Variants in MAK16 observed in about 807,000 individuals in gnomAD.
MAK16 encodes protein MAK16 homolog.
MAK16 carries 12 observed loss-of-function variants against 49.9 expected under a neutral mutation model. That is an observed-to-expected ratio of 0.24 (90% CI 0.15 to 0.39). The LOEUF is 0.39. MAK16 is among the 10% of genes least tolerant of loss of function. The pLI is 1.00. For missense variants in MAK16, 292 were observed against 363.7 expected (o/e 0.80, Z 1.60); for synonymous variants, 115 against 126.4 (o/e 0.91, Z 0.60).
intron 6 of MAK16, among the ~76,000 whole-genome samples, chr8:33,493,149 G>A (rs1808803870): frequency 6.6e-6 from 1 of 152,136 alleles, no homozygotes; most frequent in African/African-American, 2.4e-5. Context: ...ATTCCCCAAT[G>A]TTATTTATAA....
In MAK16 at chr8:33,498,810, C is replaced by T; in HGVS notation, c.*181C>T. ...AGAAATCTGGAGTGAGTGAAGAAAGCTAAGTTGTGAACAAGAGTGTTTTTA... is the reference window on the plus strand; with the variant it reads ...AGAAATCTGGAGTGAGTGAAGAAAGTTAAGTTGTGAACAAGAGTGTTTTTA... On this transcript the variant is annotated 3_prime_UTR_variant, in exon 10 of 10. Coordinates refer to ENST00000360128, the MANE Select transcript of MAK16 (RefSeq NM_032509.4). 2 of 633,586 alleles carry T rather than the reference C, an allele frequency of 3.2e-6. No homozygotes were observed. Among genetic ancestry groups the T allele is most frequent in the Non-Finnish European group, 5.4e-6 (2 of 367,630 alleles). 39.2% of individuals were successfully genotyped at this position (633,586 alleles called of 1,614,324 possible). A position where few individuals can be genotyped will look rare whatever the true frequency, so the allele number is the denominator to read the frequency against.
In MAK16 at chr8:33,500,803, A is replaced by G. The variant is rs193233340; in HGVS notation, c.*2174A>G. The G allele has an allele frequency of 5.3e-3, 1,588 of 297,894 alleles. 10 individuals carry two copies. Among genetic ancestry groups the G allele is most frequent in the Admixed American group, 7.0e-3 (148 of 21,146 alleles). 18.5% of individuals were successfully genotyped at this position (297,894 alleles called of 1,614,324 possible). A position where few individuals can be genotyped will look rare whatever the true frequency, so the allele number is the denominator to read the frequency against. On this transcript the variant is annotated 3_prime_UTR_variant, in exon 10 of 10. Coordinates refer to ENST00000360128, the MANE Select transcript of MAK16 (RefSeq NM_032509.4). ...AGAAGGGGAAACCAGGATCTCCCCA[A>G]CCAAGGGCCTATACTTTTATTTTTC...
intron 5 of MAK16, 129 bp from the exon 6 acceptor site, chr8:33,490,156 C>A: frequency 1.4e-6 from 1 of 692,582 alleles, no homozygotes; most frequent in Non-Finnish European, 2.4e-6. Flanking sequence ...GCCTGAAGCT[C>A]AGCCATCCTG....
intron 6 of MAK16, among the ~76,000 whole-genome samples, chr8:33,494,725 G>A (rs747844844): frequency 3.9e-5 from 6 of 152,060 alleles, no homozygotes; most frequent in Non-Finnish European, 5.9e-5. Flanking sequence ...ACACTTCAGC[G>A]GATACCCTTG....
At chr8:33,497,342 A>G in intron 9 of MAK16, 45 bp downstream of exon 9, 6 of 1,205,638 alleles carry the variant, frequency 5.0e-6, no homozygotes, top group Non-Finnish European at 7.0e-6. Context: ...CTGCAGCAAA[A>G]AAAAAAAAAA....
At chr8:33,496,580 A>G in intron 7 of MAK16, 45 bp from the exon 8 acceptor site, 2 of 1,428,488 alleles carry the variant, frequency 1.4e-6, no homozygotes, top group Non-Finnish European at 2.0e-6. Flanking sequence ...CTTCAAGTGT[A>G]ATATCCAAAT....
Position 33,498,692 on chromosome 8 carries a change from CT to C in MAK16, c.*65del. ...AGAACTGTTTTTTTTTTTTTTTTAT[CT>C]TAAACACATACACACCTCCAGTTTT... is the stretch of plus-strand genomic sequence containing the variant. On this transcript the variant is annotated 3_prime_UTR_variant, in exon 10 of 10. Transcript: ENST00000360128. 9.5e-7 allele frequency: 1 copy of C among 1,052,206 alleles called. No individual in the cohort carries two copies. Among genetic ancestry groups the C allele is most frequent in the Non-Finnish European group, 1.4e-6 (1 of 733,756 alleles). The allele number at this position is 1,052,206 out of a possible 1,614,324, so 65.2% of individuals were successfully genotyped here.
At chr8:33,490,939 C>T (rs1426408186) in intron 6 of MAK16, among the ~76,000 whole-genome samples, 2 of 152,118 alleles carry the variant, frequency 1.3e-5, no homozygotes, top group East Asian at 1.9e-4. Context: ...CCCCCATTAC[C>T]CTTCCCAGCC....
chr8:33,492,952 TTTTCTA>T (rs1331164119), intron 6 of MAK16, among the ~76,000 whole-genome samples: 2 of 152,056 alleles, frequency 1.3e-5, no homozygotes, highest in Non-Finnish European at 2.9e-5. Flanking sequence ...TAGGATTTTT[TTTTCTA>T]TTTCTGTGAA....
intron 1 of MAK16, among the ~76,000 whole-genome samples, chr8:33,486,982 C>G (rs1808698222): frequency 6.6e-6 from 1 of 152,162 alleles, no homozygotes; most frequent in Non-Finnish European, 1.5e-5. Flanking sequence ...TTCTTCTTAC[C>G]TGTTTCCTAC....
In MAK16 at chr8:33,490,305, G is replaced by A; in HGVS notation, c.413G>A (p.Ser138Asn). The stretch of plus-strand genomic sequence containing the variant: ...CTTAGGAGGAAACTTGTTCCTTTGA[G>A]TAAGAAGGTGGAGCGTAGGGAGAAA... ...LKRQRKLVPL[S>N]KKVERREKRR... is the part of the protein sequence containing the mutation. The change falls in exon 6 of 10, where the codon AGT (serine) becomes AAT (asparagine). Residue 138 changes from serine (S) to asparagine (N), a missense_variant. Transcript: ENST00000360128. The A allele has an allele frequency of 1.2e-6, 2 of 1,613,026 alleles. No homozygotes were observed. The highest frequency in any genetic ancestry group is 1.7e-6 in the Non-Finnish European group (2 of 1,179,132).
In MAK16 at chr8:33,498,777, G is replaced by A; in HGVS notation, c.*148G>A. 1 of 714,184 alleles carries A rather than the reference G, an allele frequency of 1.4e-6. No individual in the cohort carries two copies. The highest frequency in any genetic ancestry group is 2.0e-5 in the South Asian group (1 of 50,630). 44.2% of individuals were successfully genotyped at this position (714,184 alleles called of 1,614,324 possible). On this transcript the variant is annotated 3_prime_UTR_variant, in exon 10 of 10. Coordinates refer to ENST00000360128, the MANE Select transcript of MAK16 (RefSeq NM_032509.4). ...TGTTTTTATTATTTATGCCACGTCA[G>A]TGGGGCAAGAAATCTGGAGTGAGTG...
intron 1 of MAK16, among the ~76,000 whole-genome samples, chr8:33,486,262 G>A (rs890420483): frequency 7.2e-5 from 11 of 152,160 alleles, no homozygotes; most frequent in African/African-American, 2.2e-4. Context: ...TATGACAAAG[G>A]TTGCTTCAAG....
At position 33,498,985 on chromosome 8, in the gene MAK16, G is replaced by A. The variant is rs1314926027; in HGVS notation, c.*356G>A. The A allele has an allele frequency of 8.2e-6, 5 of 606,930 alleles. No homozygotes were observed. In the African/African-American group the frequency reaches 9.3e-5, roughly 11 times the overall value. 37.6% of individuals were successfully genotyped at this position (606,930 alleles called of 1,614,324 possible). ...TTTCTCCCAAACTTTATTTAGAAAT[G>A]GAAGGAGTTCAATTTTTTCTTGTTC... On this transcript the variant is annotated 3_prime_UTR_variant, in exon 10 of 10. Transcript: ENST00000360128.
Position 33,500,773 on chromosome 8 carries a change from G to A in MAK16, c.*2144G>A. ...TACTGTAAGCAACAGCTCCTTCATG[G>A]GCTGAGAAGGGGAAACCAGGATCTC... On this transcript the variant is annotated 3_prime_UTR_variant, in exon 10 of 10. Transcript: ENST00000360128. 3.0e-6 allele frequency: 1 copy of A among 338,172 alleles called. No individual in the cohort carries two copies. Among genetic ancestry groups the A allele is most frequent in the Non-Finnish European group, 5.5e-6 (1 of 180,502 alleles). The allele number at this position is 338,172 out of a possible 1,614,324, so 20.9% of individuals were successfully genotyped here. A position where few individuals can be genotyped will look rare whatever the true frequency, so the allele number is the denominator to read the frequency against.
chr8:33,496,551 T>C (rs1808860594), intron 7 of MAK16, 74 bp from the exon 8 acceptor site: 3 of 1,117,718 alleles, frequency 2.7e-6, no homozygotes, highest in African/African-American at 1.6e-5. Flanking sequence ...AAAAGTAATA[T>C]TCTCCACAGA....
At chr8:33,486,051 T>C (rs951055096) in intron 1 of MAK16, among the ~76,000 whole-genome samples, 1 of 151,724 alleles carries the variant, frequency 6.6e-6, no homozygotes, top group African/African-American at 2.4e-5. Flanking sequence ...GAGTTGAAGA[T>C]ATGAGAGAAT....
At chr8:33,492,396 G>A (rs1225702654) in intron 6 of MAK16, among the ~76,000 whole-genome samples, 1 of 152,166 alleles carries the variant, frequency 6.6e-6, no homozygotes, top group African/African-American at 2.4e-5. Flanking sequence ...CCTTTGCTGT[G>A]CAGAAGCTTT....
At chr8:33,485,348 G>A in intron 1 of MAK16, 127 bp downstream of exon 1, 1 of 1,283,098 alleles carries the variant, frequency 7.8e-7, no homozygotes, top group Non-Finnish European at 1.1e-6. Flanking sequence ...GAGGCTTCCG[G>A]AACCCCGATT....
Sources: allele counts gnomAD v4.1 joint callset (sites outside exome capture counted in the v4.1 genomes callset), GRCh38; gene constraint gnomAD v4.1.1; transcripts MANE v1.5; gene names NCBI Gene and HGNC (gene_info 2026-07-23, HGNC 2026-07-21).